The following ZEB1 variants were observed in gnomAD, a reference collection of about 807,000 sequenced individuals.
ZEB1 encodes zinc finger E-box binding homeobox 1.
Under a neutral mutation model 84.9 loss-of-function variants are expected in ZEB1, and 21 were observed. The observed-to-expected ratio is 0.25, with a 90% confidence interval of 0.18 to 0.36. ZEB1 has a LOEUF of 0.36. ZEB1 is among the 10% of genes least tolerant of loss of function. The pLI is 1.00. For synonymous variants in ZEB1, 420 were observed against 471.1 expected (o/e 0.89, Z 1.41); for missense variants, 1,104 against 1,330.2 (o/e 0.83, Z 2.65).
At chr10:31,455,169 T>G (rs1263015191) in intron 1 of ZEB1, among the ~76,000 whole-genome samples, 1 of 152,184 alleles carries the variant, frequency 6.6e-6, no homozygotes, top group African/African-American at 2.4e-5. Context: ...GGGAAAAGAT[T>G]CCCTGTTTAA....
chr10:31,410,269 T>C (rs2053990654), intron 1 of ZEB1, among the ~76,000 whole-genome samples: 1 of 152,210 alleles, frequency 6.6e-6, no homozygotes, highest in South Asian at 2.1e-4. Context: ...GAGATAATTA[T>C]GTCGTTTTTG....
At chr10:31,382,006 CAAAAAAAAAAAA>C (rs535534850) in intron 1 of ZEB1, among the ~76,000 whole-genome samples, 1,825 of 40,776 alleles carry the variant, frequency 0.045, 69 homozygotes, top group African/African-American at 0.077. Context: ...GAGACTGTCT[CAAAAAAAAAAAA>C]AAAAAAAAAA....
intron 1 of ZEB1, among the ~76,000 whole-genome samples, chr10:31,442,422 G>T (rs572647513): frequency 6.6e-6 from 1 of 152,072 alleles, no homozygotes; most frequent in African/African-American, 2.4e-5. Context: ...ATGGGGGTAG[G>T]GGGGAGGGAT....
intron 1 of ZEB1, among the ~76,000 whole-genome samples, chr10:31,331,077 C>CTTTTTTTTTTTTTTTTTTTTTTTT (rs1238584690): frequency 1.1e-5 from 1 of 89,064 alleles, no homozygotes; most frequent in African/African-American, 5.4e-5. Flanking sequence ...TTTTTTCTTT[C>CTTTTTTTTTTTTTTTTTTTTTTTT]TTTCTTTTTT....
At chr10:31,479,739 T>C (rs149141) in intron 2 of ZEB1, among the ~76,000 whole-genome samples, 11,857 of 151,950 alleles carry the variant, frequency 0.078, 659 homozygotes, top group African/African-American at 0.16. Context: ...AAAAAGCTAT[T>C]ATCTGTGAAT....
At chr10:31,522,339 T>G (rs2072587621) in intron 7 of ZEB1, among the ~76,000 whole-genome samples, 1 of 152,208 alleles carries the variant, frequency 6.6e-6, no homozygotes, top group Non-Finnish European at 1.5e-5. Flanking sequence ...CATTCACAGG[T>G]TCATACCAGG....
Position 31,502,518 on chromosome 10 carries a change from A to G in ZEB1, c.484+9A>G. 1 of 1,613,736 alleles carries G rather than the reference A, an allele frequency of 6.2e-7. No homozygotes were observed. The highest frequency in any genetic ancestry group is 8.5e-7 in the Non-Finnish European group (1 of 1,179,668). ...TGGTCATGATGAAAATGGTAAATGG[A>G]TCTTAACAGTTGTGTTTCTTTCCCT... On this transcript the variant is annotated intron_variant, in intron 4 of 8. Coordinates refer to ENST00000424869, the MANE Select transcript of ZEB1 (RefSeq NM_001174096.2).
intron 1 of ZEB1, among the ~76,000 whole-genome samples, chr10:31,369,313 C>G (rs964647937): frequency 1.2e-4 from 19 of 152,130 alleles, no homozygotes; most frequent in African/African-American, 4.1e-4. Context: ...CAAACTTATT[C>G]TTCCTCTCTA....
chr10:31,457,587 T>G (rs1374401252), intron 1 of ZEB1, among the ~76,000 whole-genome samples: 1 of 152,124 alleles, frequency 6.6e-6, no homozygotes, highest in Non-Finnish European at 1.5e-5. Context: ...TTATAAAATA[T>G]ATACAATCTC....
intron 4 of ZEB1, among the ~76,000 whole-genome samples, chr10:31,503,898 T>G (rs1177190427): frequency 1.3e-5 from 2 of 152,134 alleles, no homozygotes. Context: ...TTTGCCCACT[T>G]TTCAATAGGA....
intron 1 of ZEB1, among the ~76,000 whole-genome samples, chr10:31,429,272 C>T (rs2057374937): frequency 6.6e-6 from 1 of 152,072 alleles, no homozygotes; most frequent in African/African-American, 2.4e-5. Flanking sequence ...GTAACAAATT[C>T]AGCATTTGCT....
chr10:31,500,432 A>G (rs1458366519), intron 3 of ZEB1, among the ~76,000 whole-genome samples: 4 of 152,052 alleles, frequency 2.6e-5, no homozygotes, highest in Non-Finnish European at 5.9e-5. Flanking sequence ...CTCTGGCCAT[A>G]TTATATAGTT....
In ZEB1 at chr10:31,465,972, G is replaced by A. The variant is rs111521598; in HGVS notation, c.259+4735G>A. 2.2e-4 allele frequency among the ~76,000 whole-genome samples: 33 copies of A among 152,280 alleles called. 2 individuals carry two copies. The highest frequency in any genetic ancestry group is 7.9e-4 in the African/African-American group (33 of 41,556). ...ATGTAAGTGGAACCAAAAGAGAGCA[G>A]TGGTGGCCATTTTTACACCAGGCAA... On this transcript the variant is annotated intron_variant, in intron 2 of 8. Transcript: ENST00000424869.
chr10:31,350,353 G>C (rs1448135830), intron 1 of ZEB1, among the ~76,000 whole-genome samples: 1 of 152,128 alleles, frequency 6.6e-6, no homozygotes, highest in African/African-American at 2.4e-5. Context: ...GATTGGACCT[G>C]ATTATTTCTC....
intron 8 of ZEB1, among the ~76,000 whole-genome samples, chr10:31,525,131 G>A (rs1401319061): frequency 6.6e-6 from 1 of 152,174 alleles, no homozygotes; most frequent in African/African-American, 2.4e-5. Context: ...ATCAGCATCC[G>A]TAAATAAAAT....
intron 1 of ZEB1, among the ~76,000 whole-genome samples, chr10:31,452,742 T>TGAGAGAGAGAGAGAGAGA (rs35403055): frequency 2.0e-4 from 18 of 90,808 alleles, no homozygotes; most frequent in African/African-American, 9.2e-4. Context: ...TGTGTGTGTG[T>TGAGAGAGAGAGAGAGAGA]GAGAGAGAGA....
chr10:31,420,740 A>G (rs1459761772), intron 1 of ZEB1, among the ~76,000 whole-genome samples: 2 of 152,130 alleles, frequency 1.3e-5, no homozygotes, highest in Non-Finnish European at 2.9e-5. Context: ...AAGACCATGG[A>G]TCATTGGAGG....
chr10:31,346,402 G>A (rs1183217918), intron 1 of ZEB1, among the ~76,000 whole-genome samples: 1 of 152,110 alleles, frequency 6.6e-6, no homozygotes, highest in South Asian at 2.1e-4. Context: ...ATAAAGGTAG[G>A]ATGATGTGAG....
At chr10:31,524,913 T>G (rs2073128415) in intron 8 of ZEB1, among the ~76,000 whole-genome samples, 1 of 152,186 alleles carries the variant, frequency 6.6e-6, no homozygotes, top group Non-Finnish European at 1.5e-5. Context: ...GATCCTGTAA[T>G]TCTGAGATCC....
Sources: allele counts gnomAD v4.1 joint callset (sites outside exome capture counted in the v4.1 genomes callset), GRCh38; gene constraint gnomAD v4.1.1; transcripts MANE v1.5; gene names NCBI Gene and HGNC (gene_info 2026-07-23, HGNC 2026-07-21).